The following RAET1G variants were observed in gnomAD, a reference collection of about 807,000 sequenced individuals.
RAET1G encodes UL-16 binding protein 5.
Under a neutral mutation model 29.5 loss-of-function variants are expected in RAET1G, and 25 were observed. The ratio of observed to expected loss-of-function variants is 0.85; its 90% confidence interval spans 0.62 to 1.18. The LOEUF is 1.18. Ranked by LOEUF, RAET1G falls within the 50% of genes most tolerant of loss-of-function variation. The probability of loss-of-function intolerance (pLI) is 0.00; values close to 1 mark genes in which losing one functional copy is unlikely to be tolerated. For missense variants in RAET1G, 434 were observed against 423.6 expected (o/e 1.02, Z -0.22); for synonymous variants, 167 against 159.5 (o/e 1.05, Z -0.36).
intron 3 of RAET1G, 110 bp from the exon 4 acceptor site, chr6:149,918,494 C>T (rs1778506771): frequency 9.4e-6 from 12 of 1,274,626 alleles, no homozygotes; most frequent in South Asian, 1.3e-5. Context: ...GGTTTTGTCC[C>T]CTCTGCTATG....
Position 149,918,363 on chromosome 6 carries a change from C to A in RAET1G, c.653G>T (p.Gly218Val), listed in dbSNP as rs1778502179. The A allele has an allele frequency of 6.2e-7, 1 of 1,613,940 alleles. No homozygotes were observed. Among genetic ancestry groups the A allele is most frequent in the African/African-American group, 1.3e-5 (1 of 74,884 alleles). Residue 218 changes from glycine to valine, a missense_variant, in exon 4 of 5, where the codon GGC becomes GTC. Physicochemically the swap from Gly to Val is moderately radical, Grantham distance 109. Coordinates refer to ENST00000367360, the MANE Select transcript of RAET1G (RefSeq NM_001001788.4). ...SAGAPPTMSS[G>V]TAQPRATATT... Reference sequence around the variant, plus strand: ...GGCCGTGGCCCTGGGTTGGGCTGTGCCTGAGGACATGGTGGGTGGTGCTGA... The same window carrying A: ...GGCCGTGGCCCTGGGTTGGGCTGTGACTGAGGACATGGTGGGTGGTGCTGA...
chr6:149,921,426 C>T (rs1204665450), intron 1 of RAET1G, among the ~76,000 whole-genome samples: 9 of 152,110 alleles, frequency 5.9e-5, no homozygotes, highest in Non-Finnish European at 8.8e-5. Flanking sequence ...ATGGAAGGGC[C>T]GTGACCATCC....
chr6:149,919,916 G>C, intron 1 of RAET1G, 100 bp from the exon 2 acceptor site: 1 of 1,605,836 alleles, frequency 6.2e-7, no homozygotes, highest in South Asian at 1.1e-5. Context: ...GGAGGGCTGG[G>C]CTGGCCCAGC....
Position 149,919,037 on chromosome 6 carries a change from T to C in RAET1G, c.631+6A>G. On this transcript the variant is annotated splice_donor_region_variant and intron_variant, in intron 3 of 4. Coordinates refer to ENST00000367360, the MANE Select transcript of RAET1G (RefSeq NM_001001788.4). ...TGGAGATCCCCATTTCTTTTTCTCC[T>C]GTTACCTCCTGCACTTGGCTCCAGG... 1 of 1,613,432 alleles carries C rather than the reference T, an allele frequency of 6.2e-7. No homozygotes were observed. The highest frequency in any genetic ancestry group is 2.2e-5 in the East Asian group (1 of 44,826).
chr6:149,918,815 G>A (rs564334025), intron 3 of RAET1G: 102 of 675,240 alleles, frequency 1.5e-4, no homozygotes, highest in African/African-American at 1.5e-3. Flanking sequence ...AATCCACAGT[G>A]TGGGGAACAG....
intron 1 of RAET1G, 55 bp from the exon 2 acceptor site, chr6:149,919,871 C>T (rs1269425899): frequency 1.7e-5 from 28 of 1,611,852 alleles, no homozygotes; most frequent in Non-Finnish European, 2.4e-5. Context: ...CCTAGATACC[C>T]CTCCTCCACA....
intron 1 of RAET1G, 149 bp downstream of exon 1, chr6:149,922,777 G>C: frequency 1.7e-6 from 1 of 575,010 alleles, no homozygotes; most frequent in East Asian, 3.3e-5. Context: ...CGGACCCGGC[G>C]GGAAGGAGAC....
chr6:149,919,919 G>A, intron 1 of RAET1G, 103 bp from the exon 2 acceptor site: 2 of 1,603,754 alleles, frequency 1.2e-6, no homozygotes, highest in Non-Finnish European at 1.7e-6. Context: ...GGGCTGGGCT[G>A]GCCCAGCAAG....
At chr6:149,918,870 G>A in intron 3 of RAET1G, 173 bp downstream of exon 3, 1 of 941,296 alleles carries the variant, frequency 1.1e-6, no homozygotes, top group Non-Finnish European at 1.6e-6. Flanking sequence ...AGAAGGAAGA[G>A]GAGGGTGGGA....
chr6:149,921,925 G>GGGGACCTGCT lies in RAET1G; in HGVS notation c.85+1000_85+1001insAGCAGGTCCC, dbSNP rs1156876857. ...CAAATCTGGTCCCCCCTATTTGAAGGTTGCCATTGCCTGCTGTTGCTCTGC... is the reference window on the plus strand; with the variant it reads ...CAAATCTGGTCCCCCCTATTTGAAGGGGGACCTGCTTTGCCATTGCCTGCTGTTGCTCTGC... On this transcript the variant is annotated intron_variant, in intron 1 of 4. Transcript: ENST00000367360. Among the ~76,000 whole-genome samples the GGGGACCTGCT allele has an allele frequency of 4.5e-3, 686 of 152,278 alleles. 6 individuals are homozygous for GGGGACCTGCT. The highest frequency in any genetic ancestry group is 0.016 in the African/African-American group (670 of 41,550).
chr6:149,923,054 C>G lies in RAET1G; in HGVS notation c.-44G>C. 7.0e-7 allele frequency: 1 copy of G among 1,426,240 alleles called. No homozygotes were observed. The highest frequency in any genetic ancestry group is 9.6e-7 in the Non-Finnish European group (1 of 1,040,200). 88.3% of individuals were successfully genotyped at this position (1,426,240 alleles called of 1,614,324 possible). A position where few individuals can be genotyped will look rare whatever the true frequency, so the allele number is the denominator to read the frequency against. On this transcript the variant is annotated 5_prime_UTR_variant, in exon 1 of 5. Coordinates refer to ENST00000367360, the MANE Select transcript of RAET1G (RefSeq NM_001001788.4). ...GGGACAGCAGAAGCGAAGCCCAGCC[C>G]GTGGATCACCTGGCGGCTCGCAGGC...
At chr6:149,920,413 G>A (rs1365016391) in intron 1 of RAET1G, among the ~76,000 whole-genome samples, 2 of 152,152 alleles carry the variant, frequency 1.3e-5, no homozygotes, top group African/African-American at 2.4e-5. Context: ...GGCAGTAGAC[G>A]GAGGGATCAC....
At position 149,917,056 on chromosome 6, in the gene RAET1G, G is replaced by T; in HGVS notation, c.861C>A (p.Arg287=). ...GAGTCACGTGTCCACCAGACAAGGG[G>T]CGCTTCGCTATTTGGTAGCTGAGGC... ...LWSDSYQIAK[R]PLSGGHVTRV... The change falls in exon 5 of 5, where the codon CGC becomes CGA. Residue 287 remains arginine, a synonymous_variant. Coordinates refer to ENST00000367360, the MANE Select transcript of RAET1G (RefSeq NM_001001788.4). The T allele has an allele frequency of 6.5e-7, 1 of 1,548,384 alleles. No homozygotes were observed. The highest frequency in any genetic ancestry group is 8.7e-7 in the Non-Finnish European group (1 of 1,145,642).
chr6:149,918,672 G>C (rs1778513176), intron 3 of RAET1G: 1 of 599,204 alleles, frequency 1.7e-6, no homozygotes, highest in African/African-American at 1.9e-5. Context: ...GGGTCACGAG[G>C]CTGGCCTTGG....
intron 1 of RAET1G, among the ~76,000 whole-genome samples, chr6:149,921,229 C>A (rs1778593102): frequency 6.6e-6 from 1 of 152,212 alleles, no homozygotes; most frequent in African/African-American, 2.4e-5. Context: ...CCTTAAGTGC[C>A]CAATGACCCA....
At chr6:149,918,890 C>A in intron 3 of RAET1G, 153 bp downstream of exon 3, 1 of 1,220,372 alleles carries the variant, frequency 8.2e-7, no homozygotes, top group Non-Finnish European at 1.1e-6. Context: ...AGAGCACAGG[C>A]ACGCCAGCAC....
intron 1 of RAET1G, among the ~76,000 whole-genome samples, chr6:149,922,403 C>T (rs1196185129): frequency 6.6e-6 from 1 of 152,196 alleles, no homozygotes; most frequent in Admixed American, 6.5e-5. Context: ...GTCTGCTGAG[C>T]CGCTGGGTGC....
Position 149,917,087 on chromosome 6 carries a change from G to T in RAET1G, c.843-13C>A, listed in dbSNP as rs535255506. ...CGCTATTTGGTAGCTGAGGCGGAGAGAGAGAGGACAGCTTACGTCATTGTT... is the reference window on the plus strand; with the variant it reads ...CGCTATTTGGTAGCTGAGGCGGAGATAGAGAGGACAGCTTACGTCATTGTT... On this transcript the variant is annotated splice_polypyrimidine_tract_variant and intron_variant, in intron 4 of 4. Transcript: ENST00000367360. 1 of 1,539,596 alleles carries T rather than the reference G, an allele frequency of 6.5e-7. No homozygotes were observed. The highest frequency in any genetic ancestry group is 8.8e-7 in the Non-Finnish European group (1 of 1,141,606).
intron 1 of RAET1G, among the ~76,000 whole-genome samples, chr6:149,920,663 G>A (rs763062499): frequency 1.1e-4 from 17 of 152,136 alleles, no homozygotes; most frequent in Non-Finnish European, 1.6e-4. Flanking sequence ...GAAAAATCCC[G>A]AAATAACAGA....
Sources: allele counts gnomAD v4.1 joint callset (sites outside exome capture counted in the v4.1 genomes callset), GRCh38; gene constraint gnomAD v4.1.1; transcripts MANE v1.5; gene names NCBI Gene and HGNC (gene_info 2026-07-23, HGNC 2026-07-21).